The following ATL3 variants were observed in gnomAD, a reference collection of about 807,000 sequenced individuals.
ATL3 encodes atlastin GTPase 3, also known as atlastin-3.
Under a neutral mutation model 69.5 loss-of-function variants are expected in ATL3, and 49 were observed. The observed-to-expected ratio is 0.71, with a 90% CI of 0.56 to 0.89. The LOEUF is 0.89. Ranked by LOEUF, ATL3 falls within the 40% of genes least tolerant of loss-of-function variation. The pLI is 0.00. For missense variants in ATL3, 606 were observed against 645.7 expected (o/e 0.94, Z 0.67); for synonymous variants, 214 against 224.1 (o/e 0.95, Z 0.40).
At chr11:63,658,663 C>A (rs1940330518) in intron 3 of ATL3, 98 bp downstream of exon 3, 10 of 1,320,556 alleles carry the variant, frequency 7.6e-6, no homozygotes, top group Middle Eastern at 2.0e-4. Context: ...ATTTTAAATT[C>A]TTTGATAAAA....
chr11:63,668,159 T>G (rs1940636620), intron 1 of ATL3, among the ~76,000 whole-genome samples: 1 of 152,176 alleles, frequency 6.6e-6, no homozygotes, highest in Non-Finnish European at 1.5e-5. Flanking sequence ...AGTTTTCCAG[T>G]CTCCTTATAA....
upstream of ATL3, chr11:63,671,433 A>G: frequency 6.7e-7 from 1 of 1,500,656 alleles, no homozygotes; most frequent in Non-Finnish European, 8.8e-7. Context: ...AAACGGGCGG[A>G]GCCTGGGCTC....
chr11:63,634,185 TAAAAAAAAA>T (rs146288332), intron 10 of ATL3, among the ~76,000 whole-genome samples: 1 of 113,662 alleles, frequency 8.8e-6, no homozygotes, highest in Non-Finnish European at 1.8e-5. Flanking sequence ...TGTTTCTATT[TAAAAAAAAA>T]AAAAAAAAAG....
chr11:63,671,594 G>A (rs1204832338), upstream of ATL3: 1 of 1,420,730 alleles, frequency 7.0e-7, no homozygotes, highest in Non-Finnish European at 9.2e-7. Context: ...GCAGAATCCC[G>A]CCACCGCCTG....
chr11:63,633,417 T>C (rs1469226008), intron 10 of ATL3, among the ~76,000 whole-genome samples: 2 of 151,310 alleles, frequency 1.3e-5, no homozygotes, highest in Non-Finnish European at 3.0e-5. Flanking sequence ...TAAATTTTTC[T>C]TTTTTTTTAA....
At chr11:63,658,019 G>A (rs1340269743) in intron 3 of ATL3, among the ~76,000 whole-genome samples, 1 of 152,050 alleles carries the variant, frequency 6.6e-6, no homozygotes, top group African/African-American at 2.4e-5. Flanking sequence ...ACCACACCCA[G>A]CTAATTTTTT....
At chr11:63,659,371 A>C in intron 1 of ATL3, 119 bp from the exon 2 acceptor site, 1 of 774,762 alleles carries the variant, frequency 1.3e-6, no homozygotes, top group East Asian at 2.7e-5. Flanking sequence ...TCATGCCTAT[A>C]ATCACAGCAC....
intron 1 of ATL3, among the ~76,000 whole-genome samples, chr11:63,660,452 A>G (rs534655439): frequency 1.3e-5 from 2 of 152,344 alleles, no homozygotes; most frequent in South Asian, 4.1e-4. Context: ...AGCAACCGCA[A>G]TTCTCACACA....
rs374390649 is a variant in ATL3, at chr11:63,644,370, A to ACT, written c.619-110_619-109insAG. The ACT allele has an allele frequency of 9.7e-5, 56 of 577,342 alleles. 1 individual carries two copies. The highest frequency in any genetic ancestry group is 1.2e-4 in the Non-Finnish European group (38 of 330,298). The allele number at this position is 577,342 out of a possible 1,614,324, so 35.8% of individuals were successfully genotyped here. A position where few individuals can be genotyped will look rare whatever the true frequency, so the allele number is the denominator to read the frequency against. ...CCAGCTTCTACAAAGGGGGTAAAGT[A>ACT]GAAGGATTTACCTTTTTTTTTTTTT... On this transcript the variant is annotated intron_variant, in intron 6 of 12. Transcript: ENST00000398868.
chr11:63,664,433 G>A (rs945500982), intron 1 of ATL3, among the ~76,000 whole-genome samples: 33 of 151,346 alleles, frequency 2.2e-4, no homozygotes, highest in African/African-American at 3.2e-4. Context: ...CCAGCTACTC[G>A]GGAGACTGAA....
At chr11:63,671,846 A>C (rs985880148), upstream of ATL3, 21 of 729,298 alleles carry the variant, frequency 2.9e-5, no homozygotes, top group Non-Finnish European at 3.5e-5. Flanking sequence ...CCTAACGTGC[A>C]GACCAGGCCC....
At chr11:63,633,280 A>G (rs532910859) in intron 10 of ATL3, among the ~76,000 whole-genome samples, 183 bp from the exon 11 acceptor site, 1 of 152,218 alleles carries the variant, frequency 6.6e-6, no homozygotes, top group Non-Finnish European at 1.5e-5. Flanking sequence ...TTTTCTACCA[A>G]AAAAAGGTAG....
intron 1 of ATL3, among the ~76,000 whole-genome samples, chr11:63,659,767 T>C (rs1050330919): frequency 6.6e-6 from 1 of 151,952 alleles, no homozygotes; most frequent in Non-Finnish European, 1.5e-5. Context: ...AAACCCCATC[T>C]CTACCAACAA....
Position 63,665,286 on chromosome 11 carries a change from C to T in ATL3, c.46+6004G>A, listed in dbSNP as rs181000127. ...CTTGAACCCCGGGAGGCGGAGGTTGCGGTGAGCTGAGATTAAGCCATTGCA... is the reference window on the plus strand; with the variant it reads ...CTTGAACCCCGGGAGGCGGAGGTTGTGGTGAGCTGAGATTAAGCCATTGCA... On this transcript the variant is annotated intron_variant, in intron 1 of 12. Transcript: ENST00000398868. 1.1e-3 allele frequency among the ~76,000 whole-genome samples: 160 copies of T among 146,480 alleles called. 2 individuals carry two copies. In the East Asian group the frequency reaches 0.026, roughly 24 times the overall value.
chr11:63,634,282 A>C (rs924387097), intron 10 of ATL3, among the ~76,000 whole-genome samples: 6 of 151,760 alleles, frequency 4.0e-5, no homozygotes, highest in Non-Finnish European at 8.8e-5. Flanking sequence ...TGAGGCGGGC[A>C]GATCACGAGG....
At chr11:63,661,327 A>C (rs1296432221) in intron 1 of ATL3, among the ~76,000 whole-genome samples, 2 of 152,178 alleles carry the variant, frequency 1.3e-5, no homozygotes, top group African/African-American at 4.8e-5. Context: ...TGTATTTTGC[A>C]TATCACTAGT....
intron 1 of ATL3, among the ~76,000 whole-genome samples, chr11:63,669,246 G>A (rs557948507): frequency 8.6e-5 from 13 of 151,986 alleles, no homozygotes; most frequent in Middle Eastern, 3.2e-3. Flanking sequence ...GAAATACCAC[G>A]CAACTGGGCC....
intron 1 of ATL3, among the ~76,000 whole-genome samples, chr11:63,667,328 GA>G (rs1940604088): frequency 6.6e-6 from 1 of 151,788 alleles, no homozygotes; most frequent in African/African-American, 2.4e-5. Flanking sequence ...TGTATAATTA[GA>G]AAGCATTTTT....
intron 12 of ATL3, among the ~76,000 whole-genome samples, chr11:63,630,817 A>G (rs1448841582): frequency 7.1e-6 from 1 of 140,800 alleles, no homozygotes; most frequent in East Asian, 2.1e-4. Context: ...AAAAAAAAAA[A>G]GCGGGGCGGG....
Sources: allele counts gnomAD v4.1 joint callset (sites outside exome capture counted in the v4.1 genomes callset), GRCh38; gene constraint gnomAD v4.1.1; transcripts MANE v1.5; gene names NCBI Gene and HGNC (gene_info 2026-07-23, HGNC 2026-07-21).